The following MTR variants were observed in gnomAD, a reference collection of about 807,000 sequenced individuals.
MTR encodes methionine synthase.
In MTR, 84 loss-of-function variants were observed where a neutral mutation model predicts 154.8. That is an observed-to-expected ratio of 0.54 (90% CI 0.45 to 0.65). The LOEUF is 0.65. Among genes scored for constraint, MTR ranks in the 30% least tolerant of loss-of-function variants. The pLI, the probability that MTR is intolerant of heterozygous loss-of-function variation, is 0.00. For missense variants in MTR, 1,275 were observed against 1,570.2 expected (o/e 0.81, Z 3.18); for synonymous variants, 554 against 553.9 (o/e 1.00, Z 0.00).
At chr1:236,889,600 G>A (rs993885673) in intron 28 of MTR, among the ~76,000 whole-genome samples, 1 of 152,178 alleles carries the variant, frequency 6.6e-6, no homozygotes, top group African/African-American at 2.4e-5. Flanking sequence ...ATAAATGGAA[G>A]ACAATATAAT....
intron 15 of MTR, among the ~76,000 whole-genome samples, chr1:236,843,728 T>C (rs1663398627): frequency 6.6e-6 from 1 of 152,192 alleles, no homozygotes; most frequent in South Asian, 2.1e-4. Flanking sequence ...TGTATTCACA[T>C]TGGGTATAGG....
chr1:236,824,796 A>G (rs1164241587), intron 9 of MTR, among the ~76,000 whole-genome samples: 1 of 152,238 alleles, frequency 6.6e-6, no homozygotes, highest in African/African-American at 2.4e-5. Flanking sequence ...CAAATGTGTC[A>G]TTTTAATGCA....
chr1:236,835,501 T>C, intron 13 of MTR, 46 bp from the exon 14 acceptor site: 1 of 1,611,098 alleles, frequency 6.2e-7, no homozygotes. Context: ...CCTTTTCTCC[T>C]AGTAACTGTC....
In MTR at chr1:236,812,819, C is replaced by G; in HGVS notation, c.584C>G (p.Thr195Ser). The G allele has an allele frequency of 6.2e-7, 1 of 1,614,038 alleles. No homozygotes were observed. The highest frequency in any genetic ancestry group is 8.5e-7 in the Non-Finnish European group (1 of 1,179,966). ...DGGVDILLIETIFDTANAKAA... is the reference protein window; with the variant it reads ...DGGVDILLIESIFDTANAKAA... ...GGGGTTGATATCTTACTCATTGAAA[C>G]TATTTTTGATACTGCCAATGCCAAG... Residue 195 changes from threonine (T) to serine (S), a missense_variant, in exon 6 of 33, where the codon ACT becomes AGT. Physicochemically the swap from Thr to Ser is moderately conservative, Grantham distance 58. Transcript: ENST00000366577.
intron 14 of MTR, among the ~76,000 whole-genome samples, chr1:236,836,581 G>A (rs1429983796): frequency 6.6e-6 from 1 of 152,112 alleles, no homozygotes; most frequent in Non-Finnish European, 1.5e-5. Context: ...ACTTCCTAGT[G>A]CTCTAAGAGT....
chr1:236,897,050 G>A lies in MTR; in HGVS notation c.3643G>A (p.Val1215Ile). The A allele has an allele frequency of 6.2e-7, 1 of 1,614,170 alleles. No homozygotes were observed. The part of the protein sequence containing the change: ...ESLAMAPASA[V>I]SGLYFSNLKS... ...ATTAGCAATGGCACCTGCTTCAGCA[G>A]TCTCAGGCCTCTACTTCTCCAATTT... The change falls in exon 32 of 33, where the codon GTC (valine) becomes ATC (isoleucine). Residue 1215 changes from valine to isoleucine, a missense_variant. Transcript: ENST00000366577.
intron 18 of MTR, among the ~76,000 whole-genome samples, chr1:236,853,954 C>T (rs998766424): frequency 2.0e-5 from 3 of 152,182 alleles, no homozygotes; most frequent in Non-Finnish European, 4.4e-5. Context: ...CTCAAAAGAA[C>T]TTGCATTTTA....
chr1:236,852,734 A>C (rs1428869521), intron 17 of MTR, 97 bp downstream of exon 17: 1 of 1,206,324 alleles, frequency 8.3e-7, no homozygotes, highest in Non-Finnish European at 1.2e-6. Flanking sequence ...GCCTGCTGCC[A>C]GTTTCTGTAA....
At chr1:236,837,384 C>T (rs1322106520) in intron 14 of MTR, among the ~76,000 whole-genome samples, 1 of 152,180 alleles carries the variant, frequency 6.6e-6, no homozygotes, top group Non-Finnish European at 1.5e-5. Flanking sequence ...TTTTCCTGCC[C>T]CATTCTCCAT....
Position 236,891,237 on chromosome 1 carries a change from C to G in MTR, c.3112C>G (p.Gln1038Glu). The change falls in exon 29 of 33, where the codon CAG (glutamine) becomes GAG (glutamate). Residue 1038 changes from glutamine to glutamate, a missense_variant. Transcript: ENST00000366577. ...GGGTGTGGTTGGGTTCTGGCCAGCACAGAGTATCCAAGACGACATTCACCT... is the reference window on the plus strand; with the variant it reads ...GGGTGTGGTTGGGTTCTGGCCAGCAGAGAGTATCCAAGACGACATTCACCT... The part of the protein sequence containing the change: ...ARGVVGFWPA[Q>E]SIQDDIHLYA... The G allele has an allele frequency of 6.2e-7, 1 of 1,614,106 alleles. No individual in the cohort carries two copies. Among genetic ancestry groups the G allele is most frequent in the Non-Finnish European group, 8.5e-7 (1 of 1,180,020 alleles).
chr1:236,855,246 T>C (rs563603184), intron 18 of MTR, among the ~76,000 whole-genome samples: 42 of 152,336 alleles, frequency 2.8e-4, no homozygotes, highest in Admixed American at 2.5e-3. Context: ...CTGTCTGATA[T>C]ATTATTGAAA....
At chr1:236,868,798 G>C (rs1664960080) in intron 22 of MTR, among the ~76,000 whole-genome samples, 2 of 152,158 alleles carry the variant, frequency 1.3e-5, no homozygotes, top group African/African-American at 4.8e-5. Flanking sequence ...ATTCCAAACT[G>C]TATAATGTTG....
intron 15 of MTR, among the ~76,000 whole-genome samples, chr1:236,849,805 A>C (rs1351874076): frequency 6.6e-6 from 1 of 152,172 alleles, no homozygotes; most frequent in African/African-American, 2.4e-5. Context: ...CCAGTGTTAA[A>C]ATGGGTGAAG....
chr1:236,880,586 T>C (rs1173047977), intron 24 of MTR, among the ~76,000 whole-genome samples, 169 bp from the exon 25 acceptor site: 1 of 152,196 alleles, frequency 6.6e-6, no homozygotes, highest in Admixed American at 6.5e-5. Context: ...GAAAAAGTCA[T>C]TCATGTTTTA....
At chr1:236,870,058 A>C (rs1437547156) in intron 22 of MTR, among the ~76,000 whole-genome samples, 1 of 152,314 alleles carries the variant, frequency 6.6e-6, no homozygotes, top group African/African-American at 2.4e-5. Context: ...CAGGAAACCC[A>C]TTCTCTTTCC....
rs1665203547 is a variant in MTR at position 236,872,693 on chromosome 1, A to G, written c.2406-1080A>G. Reference sequence around the variant, plus strand: ...ATGATAGAGTTACTATGAGGGTTTAAATGAGATCATTTATGCAGGCCGGGC... The same window carrying G: ...ATGATAGAGTTACTATGAGGGTTTAGATGAGATCATTTATGCAGGCCGGGC... On this transcript the variant is annotated intron_variant, in intron 22 of 32. Transcript: ENST00000366577. 2.0e-5 allele frequency among the ~76,000 whole-genome samples: 3 copies of G among 152,152 alleles called. No homozygotes were observed. In the South Asian group the frequency reaches 6.2e-4, roughly 32 times the overall value.
intron 15 of MTR, among the ~76,000 whole-genome samples, chr1:236,846,188 A>C (rs1207701345): frequency 6.6e-6 from 1 of 152,100 alleles, no homozygotes; most frequent in Non-Finnish European, 1.5e-5. Context: ...GTTATTCTTA[A>C]CTCTACATAA....
rs184352906 is a variant in MTR at position 236,900,348 on chromosome 1, A to G, written c.*2704A>G. On this transcript the variant is annotated 3_prime_UTR_variant, in exon 33 of 33. Transcript: ENST00000366577. ...GGGCGTACTATTTTTATTGAGCCCA[A>G]AAACAAGCAAAACCAAAGAATATGT... is the stretch of plus-strand genomic sequence containing the variant. 2 of 180,084 alleles carry G rather than the reference A, an allele frequency of 1.1e-5. No homozygotes were observed. The highest frequency in any genetic ancestry group is 1.5e-4 in the East Asian group (1 of 6,716). The allele number at this position is 180,084 out of a possible 1,614,324, so 11.2% of individuals were successfully genotyped here.
chr1:236,819,623 G>C (rs751196723), intron 8 of MTR: 2 of 489,842 alleles, frequency 4.1e-6, no homozygotes, highest in African/African-American at 3.9e-5. Context: ...TAACTTAAAG[G>C]GAAACTTTCA....
Sources: gnomAD v4.1 joint callset for allele counts (sites outside exome capture counted in the v4.1 genomes callset) on GRCh38, gnomAD v4.1.1 for gene constraint, MANE v1.5 for transcripts, NCBI Gene and HGNC (gene_info 2026-07-23, HGNC 2026-07-21) for gene names.